GRIA4: variants seen among roughly 807,000 people sequenced by gnomAD.
The protein encoded by GRIA4 is glutamate ionotropic receptor AMPA type subunit 4.
In GRIA4, 34 loss-of-function variants were observed where a neutral mutation model predicts 104.0. The ratio of observed to expected loss-of-function variants is 0.33; its 90% CI spans 0.25 to 0.44. GRIA4 has a LOEUF of 0.44. Among genes scored for constraint, GRIA4 ranks in the 20% least tolerant of loss-of-function variants. GRIA4 has a pLI of 1.00. For synonymous variants in GRIA4, 386 were observed against 381.9 expected, an observed-to-expected ratio of 1.01 and a Z score of -0.13; for missense variants, 750 against 1,096.5, an observed-to-expected ratio of 0.68 and a Z score of 4.46.
At chr11:105,927,025 C>T (rs1947726928) in intron 13 of GRIA4, 86 bp downstream of exon 13, 1 of 835,174 alleles carries the variant, frequency 1.2e-6, no homozygotes, top group South Asian at 1.5e-5. Context: ...TGGGCTTTAG[C>T]TATTATAAGG....
intron 3 of GRIA4, among the ~76,000 whole-genome samples, chr11:105,751,610 C>A (rs776606898): frequency 6.6e-5 from 10 of 152,064 alleles, no homozygotes; most frequent in Non-Finnish European, 1.0e-4. Flanking sequence ...TTTATAAACC[C>A]TAATATAATA....
chr11:105,799,386 T>A (rs946532804), intron 4 of GRIA4, among the ~76,000 whole-genome samples: 2 of 152,064 alleles, frequency 1.3e-5, no homozygotes, highest in Non-Finnish European at 2.9e-5. Flanking sequence ...GTAGTTTCGA[T>A]GTCAAGAGGA....
intron 3 of GRIA4, among the ~76,000 whole-genome samples, chr11:105,665,038 T>G (rs1591527121): frequency 2.6e-5 from 4 of 152,056 alleles, no homozygotes; most frequent in Admixed American, 6.6e-5. Context: ...TGAATTAATT[T>G]GAGGTAATTT....
intron 4 of GRIA4, among the ~76,000 whole-genome samples, chr11:105,832,313 G>C (rs1041134929): frequency 4.0e-5 from 6 of 151,682 alleles, no homozygotes; most frequent in African/African-American, 1.2e-4. Flanking sequence ...TTCTATTACT[G>C]TCTTTACACA....
intron 3 of GRIA4, among the ~76,000 whole-genome samples, chr11:105,645,558 A>C (rs1453467460): frequency 6.6e-6 from 1 of 152,256 alleles, no homozygotes; most frequent in Non-Finnish European, 1.5e-5. Flanking sequence ...AATTGCCCAG[A>C]TTAAGAAGTG....
chr11:105,981,676 T>A lies in GRIA4; in HGVS notation c.*1937T>A, dbSNP rs1323413399. The stretch of plus-strand genomic sequence containing the variant: ...GCGCTTGCTTATTTCTTCCAGGACT[T>A]CTCTCACTTCTATCCAGCTATTCCC... On this transcript the variant is annotated 3_prime_UTR_variant, in exon 17 of 17. Coordinates refer to ENST00000282499, the MANE Select transcript of GRIA4 (RefSeq NM_000829.4). The A allele has an allele frequency of 6.6e-6, 1 of 152,194 alleles. No homozygotes were observed. Among genetic ancestry groups the A allele is most frequent in the African/African-American group, 2.4e-5 (1 of 41,304 alleles). The allele number at this position is 152,194 out of a possible 1,614,324, so 9.4% of individuals were successfully genotyped here. A position where few individuals can be genotyped will look rare whatever the true frequency, so the allele number is the denominator to read the frequency against.
At chr11:105,794,491 A>G (rs1287617742) in intron 4 of GRIA4, among the ~76,000 whole-genome samples, 11 of 116,608 alleles carry the variant, frequency 9.4e-5, no homozygotes, top group Admixed American at 5.9e-4. Flanking sequence ...ATATATATAT[A>G]TATATATATA....
chr11:105,771,040 A>C (rs997852275), intron 4 of GRIA4, among the ~76,000 whole-genome samples: 1 of 151,922 alleles, frequency 6.6e-6, no homozygotes, highest in African/African-American at 2.4e-5. Context: ...TCCTCTGTCT[A>C]TACACATGAC....
chr11:105,650,497 GAA>G (rs561487919), intron 3 of GRIA4, among the ~76,000 whole-genome samples: 1 of 147,546 alleles, frequency 6.8e-6, no homozygotes. Context: ...CCAAGAGTCT[GAA>G]AAAAAAAATG....
chr11:105,654,452 G>A (rs527793020), intron 3 of GRIA4, among the ~76,000 whole-genome samples: 96 of 151,514 alleles, frequency 6.3e-4, no homozygotes, highest in Non-Finnish European at 1.0e-3. Context: ...AAAAATAATC[G>A]TAAGAACAAT....
At chr11:105,974,557 G>C in intron 16 of GRIA4, 113 bp downstream of exon 16, 1 of 1,612,942 alleles carries the variant, frequency 6.2e-7, no homozygotes, top group South Asian at 1.1e-5. Context: ...AAAATTTAGG[G>C]GTAGGACTTA....
intron 3 of GRIA4, among the ~76,000 whole-genome samples, chr11:105,679,247 G>A (rs983229108): frequency 7.2e-5 from 11 of 152,178 alleles, no homozygotes; most frequent in South Asian, 4.1e-4. Flanking sequence ...AACCAACCAC[G>A]TTATGGAGGA....
intron 3 of GRIA4, among the ~76,000 whole-genome samples, chr11:105,635,920 G>A (rs1951189717): frequency 6.6e-6 from 1 of 152,196 alleles, no homozygotes; most frequent in Non-Finnish European, 1.5e-5. Context: ...ACTTATAGAA[G>A]ATAATCTCTG....
At chr11:105,692,621 T>C (rs1318323374) in intron 3 of GRIA4, among the ~76,000 whole-genome samples, 5 of 152,224 alleles carry the variant, frequency 3.3e-5, no homozygotes, top group African/African-American at 7.2e-5. Flanking sequence ...TATGCTTTTA[T>C]ATAACTTTTT....
At chr11:105,820,750 A>C (rs951673417) in intron 4 of GRIA4, among the ~76,000 whole-genome samples, 1 of 152,016 alleles carries the variant, frequency 6.6e-6, no homozygotes, top group Non-Finnish European at 1.5e-5. Context: ...ATTTCACTGA[A>C]TTTTAAGATC....
At chr11:105,676,496 T>C (rs1297849071) in intron 3 of GRIA4, among the ~76,000 whole-genome samples, 1 of 128,606 alleles carries the variant, frequency 7.8e-6, no homozygotes, top group African/African-American at 2.9e-5. Flanking sequence ...GAAAACATAT[T>C]TGATATCTTA....
chr11:105,701,057 T>G lies in GRIA4; in HGVS notation c.248-51924T>G, dbSNP rs1166891764. 2.6e-5 allele frequency among the ~76,000 whole-genome samples: 4 copies of G among 152,294 alleles called. No homozygotes were observed. In the East Asian group the frequency reaches 7.7e-4, roughly 29 times the overall value. ...TGCTTGTTCTTGCCTCTATACTTGG[T>G]GAAACCTCTCTCCAATTTTGATGAG... On this transcript the variant is annotated intron_variant, in intron 3 of 16. Transcript: ENST00000282499.
At chr11:105,835,669 A>G (rs894405745) in intron 4 of GRIA4, among the ~76,000 whole-genome samples, 1 of 152,070 alleles carries the variant, frequency 6.6e-6, no homozygotes, top group African/African-American at 2.4e-5. Context: ...TTCGCAGGTG[A>G]TACTTATTAA....
rs1263200034 is a variant in GRIA4, at chr11:105,805,459, G to C, written c.487+52239G>C. Reference sequence around the variant, plus strand: ...AATGCCCAAGTAGTGTAAAGACCAAGTGGAGAGCAAGAAATCAGGAAAAAA... The same window carrying C: ...AATGCCCAAGTAGTGTAAAGACCAACTGGAGAGCAAGAAATCAGGAAAAAA... On this transcript the variant is annotated intron_variant, in intron 4 of 16. Transcript: ENST00000282499. Among the ~76,000 whole-genome samples the C allele has an allele frequency of 9.2e-5, 11 of 119,864 alleles. No homozygotes were observed. The East Asian group carries it at 2.5e-3, about 27-fold the overall frequency. The allele number at this position is 119,864 out of a possible 152,430, so 78.6% of individuals were successfully genotyped here.
Sources: allele counts gnomAD v4.1 joint callset (sites outside exome capture counted in the v4.1 genomes callset), GRCh38; gene constraint gnomAD v4.1.1; transcripts MANE v1.5; gene names NCBI Gene and HGNC (gene_info 2026-07-23, HGNC 2026-07-21).